The following FTCDNL1 variants were observed in gnomAD, a reference collection of about 807,000 sequenced individuals.
The protein encoded by FTCDNL1 is formiminotransferase N-terminal subdomain-containing protein.
A neutral mutation model predicts 5.9 loss-of-function variants in FTCDNL1; 11 were observed. The ratio of observed to expected loss-of-function variants is 1.87; its 90% confidence interval spans 1.18 to 3.10. The LOEUF (loss-of-function observed/expected upper bound fraction) is 3.10. Among genes scored for constraint, FTCDNL1 ranks in the 30% most tolerant of loss-of-function variants. The pLI is 0.00. For synonymous variants in FTCDNL1, 58 were observed against 24.8 expected (o/e 2.34, Z -3.99); for missense variants, 115 against 65.5 (o/e 1.76, Z -2.61).
the FTCDNL1 span, among the ~76,000 whole-genome samples, chr2:199,738,453 C>A: frequency 1.3e-5 from 2 of 152,168 alleles, no homozygotes; most frequent in African/African-American, 2.4e-5. Flanking sequence ...GTTTATATTA[C>A]AAGCAAGGGT....
At chr2:199,713,257 A>G in the FTCDNL1 span, among the ~76,000 whole-genome samples, 1 of 152,228 alleles carries the variant, frequency 6.6e-6, no homozygotes, top group Non-Finnish European at 1.5e-5. Flanking sequence ...GGAATAATAG[A>G]GACCATATTT....
In FTCDNL1 at chr2:199,811,068, G is replaced by A. The variant is rs1004291190; in HGVS notation, c.*1637C>T. The stretch of plus-strand genomic sequence containing the variant: ...CATAATGAAACATTTCAACTCCCGA[G>A]GCTGGGCCTCTTCCTCCTGGGAATT... On this transcript the variant is annotated 3_prime_UTR_variant, in exon 5 of 5. Coordinates refer to ENST00000420128, the MANE Select transcript of FTCDNL1 (RefSeq NM_001363886.2). 6.6e-6 allele frequency among the ~76,000 whole-genome samples: 1 copy of A among 152,150 alleles called. No homozygotes were observed. The highest frequency in any genetic ancestry group is 2.4e-5 in the African/African-American group (1 of 41,432).
At chr2:199,672,459 G>A in the FTCDNL1 span, among the ~76,000 whole-genome samples, 4 of 152,182 alleles carry the variant, frequency 2.6e-5, no homozygotes, top group Admixed American at 1.3e-4. Flanking sequence ...ATCTATGGCT[G>A]TATAGCAAAT....
chr2:199,759,440 C>A (rs991991697), downstream of FTCDNL1, among the ~76,000 whole-genome samples: 2 of 151,890 alleles, frequency 1.3e-5, no homozygotes, highest in Non-Finnish European at 2.9e-5. Context: ...CCTTGGGAGT[C>A]CCAGCCTCCA....
At chr2:199,704,680 A>G in the FTCDNL1 span, among the ~76,000 whole-genome samples, 1 of 152,056 alleles carries the variant, frequency 6.6e-6, no homozygotes, top group Non-Finnish European at 1.5e-5. Flanking sequence ...CAAGAATGGG[A>G]AAGTTAGGAC....
At chr2:199,687,128 T>C in the FTCDNL1 span, among the ~76,000 whole-genome samples, 1 of 152,214 alleles carries the variant, frequency 6.6e-6, no homozygotes, top group Admixed American at 6.5e-5. Flanking sequence ...AGAACCTCCA[T>C]GCTAATTATA....
the FTCDNL1 span, among the ~76,000 whole-genome samples, chr2:199,680,870 CT>C: frequency 2.6e-5 from 4 of 152,176 alleles, no homozygotes; most frequent in East Asian, 5.8e-4. Flanking sequence ...GCCGCCACCC[CT>C]AATACCTCTA....
chr2:199,842,385 A>G (rs2076613992), intron 3 of FTCDNL1, among the ~76,000 whole-genome samples: 1 of 152,214 alleles, frequency 6.6e-6, no homozygotes, highest in Admixed American at 6.5e-5. Context: ...CCATGCAGCC[A>G]TACTGAAGTC....
the FTCDNL1 span, among the ~76,000 whole-genome samples, chr2:199,700,369 T>C: frequency 1.3e-5 from 2 of 151,970 alleles, no homozygotes; most frequent in African/African-American, 2.4e-5. Flanking sequence ...ACAAAGAGAA[T>C]TACAAAACAC....
At chr2:199,815,042 A>G (rs1203048570) in intron 4 of FTCDNL1, among the ~76,000 whole-genome samples, 1 of 152,228 alleles carries the variant, frequency 6.6e-6, no homozygotes, top group Non-Finnish European at 1.5e-5. Flanking sequence ...TTTTTAAACA[A>G]TGATGCATAC....
chr2:199,741,919 TAC>T, the FTCDNL1 span, among the ~76,000 whole-genome samples: 1 of 152,200 alleles, frequency 6.6e-6, no homozygotes, highest in African/African-American at 2.4e-5. Flanking sequence ...ATCTGGGGAA[TAC>T]AGTTTATGTA....
intron 3 of FTCDNL1, among the ~76,000 whole-genome samples, chr2:199,845,562 C>T (rs2076709501): frequency 6.6e-6 from 1 of 151,722 alleles, no homozygotes; most frequent in African/African-American, 2.4e-5. Context: ...TGGAGTGAGA[C>T]TCTTATCTCG....
the FTCDNL1 span, among the ~76,000 whole-genome samples, chr2:199,700,335 C>T: frequency 6.6e-6 from 1 of 152,062 alleles, no homozygotes; most frequent in Admixed American, 6.6e-5. Flanking sequence ...AGGAATACAC[C>T]TAACAGGGAG....
the FTCDNL1 span, among the ~76,000 whole-genome samples, chr2:199,717,992 A>AC: frequency 6.6e-6 from 1 of 151,536 alleles, no homozygotes; most frequent in Non-Finnish European, 1.5e-5. Flanking sequence ...AAAACAAAAA[A>AC]AAAAAAACAA....
the FTCDNL1 span, among the ~76,000 whole-genome samples, chr2:199,687,329 AATGTTTAGAC>A: frequency 2.0e-5 from 3 of 152,206 alleles, no homozygotes; most frequent in East Asian, 5.8e-4. Flanking sequence ...TGCACAGCTA[AATGTTTAGAC>A]ATGAGAACCT....
intron 3 of FTCDNL1, among the ~76,000 whole-genome samples, chr2:199,795,305 G>A (rs1217024428): frequency 6.6e-6 from 1 of 152,192 alleles, no homozygotes; most frequent in Non-Finnish European, 1.5e-5. Context: ...AGGATGGCTA[G>A]AGAGAGGAGT....
At chr2:199,701,214 C>T in the FTCDNL1 span, among the ~76,000 whole-genome samples, 1 of 149,430 alleles carries the variant, frequency 6.7e-6, no homozygotes, top group African/African-American at 2.4e-5. Flanking sequence ...AAATGCTCAA[C>T]GTCGCTAATC....
At chr2:199,841,042 T>C (rs2076571757) in intron 3 of FTCDNL1, among the ~76,000 whole-genome samples, 1 of 151,768 alleles carries the variant, frequency 6.6e-6, no homozygotes, top group Admixed American at 6.6e-5. Flanking sequence ...TCACAGCTAC[T>C]CAGCAGGCTG....
intron 4 of FTCDNL1, among the ~76,000 whole-genome samples, chr2:199,818,136 G>A (rs1368831828): frequency 6.6e-6 from 1 of 152,188 alleles, no homozygotes; most frequent in African/African-American, 2.4e-5. Flanking sequence ...CCACCTGACT[G>A]CAATACCAGT....
Sources: gnomAD v4.1 joint callset for allele counts (sites outside exome capture counted in the v4.1 genomes callset) on GRCh38, gnomAD v4.1.1 for gene constraint, MANE v1.5 for transcripts, NCBI Gene and HGNC (gene_info 2026-07-23, HGNC 2026-07-21) for gene names.